Variants in UQCC1 observed in about 807,000 individuals in gnomAD.
The protein encoded by UQCC1 is bFGF-repressed Zic-binding protein.
Under a neutral mutation model 48.0 loss-of-function variants are expected in UQCC1, and 38 were observed. That is an observed-to-expected ratio of 0.79 (90% CI 0.61 to 1.04). UQCC1 has a LOEUF of 1.04. Ranked by LOEUF, UQCC1 falls within the 50% of genes least tolerant of loss-of-function variation. UQCC1 has a pLI of 0.00. For missense variants in UQCC1, 368 were observed against 381.8 expected (o/e 0.96, Z 0.30); for synonymous variants, 111 against 129.2 (o/e 0.86, Z 0.95).
At chr20:35,373,750 T>C (rs1040612129) in intron 5 of UQCC1, among the ~76,000 whole-genome samples, 1 of 149,906 alleles carries the variant, frequency 6.7e-6, no homozygotes, top group African/African-American at 2.5e-5. Context: ...ATGATATGAA[T>C]ACTCTTATGT....
intron 7 of UQCC1, among the ~76,000 whole-genome samples, chr20:35,342,740 A>G (rs1366222660): frequency 2.8e-4 from 42 of 152,244 alleles, no homozygotes; most frequent in Admixed American, 2.7e-3. Flanking sequence ...AGACCAGATG[A>G]GGTGATATAA....
chr20:35,329,968 T>G (rs771615361), intron 7 of UQCC1, among the ~76,000 whole-genome samples: 2 of 152,234 alleles, frequency 1.3e-5, no homozygotes, highest in Non-Finnish European at 2.9e-5. Context: ...GGCATGAATT[T>G]AATCAGGTAA....
At chr20:35,371,820 G>C (rs563905202) in intron 5 of UQCC1, among the ~76,000 whole-genome samples, 2 of 151,688 alleles carry the variant, frequency 1.3e-5, no homozygotes, top group South Asian at 4.2e-4. Context: ...GACCAGCCTG[G>C]GCAACATAGT....
At chr20:35,322,156 G>A (rs1416548467) in intron 7 of UQCC1, among the ~76,000 whole-genome samples, 2 of 152,114 alleles carry the variant, frequency 1.3e-5, no homozygotes, top group Non-Finnish European at 2.9e-5. Context: ...CAAGTCTCAT[G>A]CATACTCATT....
chr20:35,304,426 G>A (rs763597444), intron 9 of UQCC1, among the ~76,000 whole-genome samples: 15 of 152,116 alleles, frequency 9.9e-5, no homozygotes, highest in Non-Finnish European at 1.8e-4. Context: ...GGCTTGCAGC[G>A]CACACAGCCA....
chr20:35,366,435 A>G, intron 6 of UQCC1, 122 bp downstream of exon 6: 1 of 767,674 alleles, frequency 1.3e-6, no homozygotes, highest in Non-Finnish European at 2.1e-6. Flanking sequence ...AATGAAAGGA[A>G]CAGTTTTTAA....
intron 7 of UQCC1, among the ~76,000 whole-genome samples, chr20:35,342,493 C>T (rs2061391743): frequency 6.6e-6 from 1 of 152,252 alleles, no homozygotes; most frequent in Admixed American, 6.5e-5. Flanking sequence ...GCAAAAGAAA[C>T]TTACTTCATT....
At chr20:35,309,054 G>A (rs2060960931) in intron 8 of UQCC1, 2 of 441,220 alleles carry the variant, frequency 4.5e-6, no homozygotes, top group African/African-American at 2.0e-5. Context: ...GAGGCTTAGA[G>A]GCTAGCTAAC....
intron 4 of UQCC1, 67 bp from the exon 5 acceptor site, chr20:35,374,323 G>T: frequency 8.2e-7 from 1 of 1,221,942 alleles, no homozygotes; most frequent in Non-Finnish European, 1.2e-6. Flanking sequence ...CATTAGACAT[G>T]GGTCACAAAA....
intron 1 of UQCC1, among the ~76,000 whole-genome samples, chr20:35,402,471 G>A (rs1463328399): frequency 3.3e-5 from 5 of 151,864 alleles, no homozygotes; most frequent in East Asian, 3.9e-4. Context: ...CCAGCTACTC[G>A]GGAGGCTGAG....
At chr20:35,366,666 T>A (rs924561432) in intron 5 of UQCC1, 52 bp from the exon 6 acceptor site, 2 of 1,482,756 alleles carry the variant, frequency 1.3e-6, no homozygotes, top group African/African-American at 2.8e-5. Flanking sequence ...GGAAGCATAT[T>A]GACCATATAT....
chr20:35,359,172 A>G (rs2061578966), intron 6 of UQCC1, among the ~76,000 whole-genome samples: 1 of 152,192 alleles, frequency 6.6e-6, no homozygotes, highest in Non-Finnish European at 1.5e-5. Flanking sequence ...ACCATTTACT[A>G]TGTTCTGTAA....
chr20:35,336,979 G>C (rs1165445958), intron 7 of UQCC1, among the ~76,000 whole-genome samples: 1 of 152,206 alleles, frequency 6.6e-6, no homozygotes, highest in Non-Finnish European at 1.5e-5. Flanking sequence ...TTAGCGAGGA[G>C]AACAGTAACA....
At chr20:35,403,397 C>A (rs1194362346) in intron 1 of UQCC1, among the ~76,000 whole-genome samples, 1 of 152,116 alleles carries the variant, frequency 6.6e-6, no homozygotes, top group Non-Finnish European at 1.5e-5. Context: ...GCAGATGACA[C>A]TCCAGTAGCA....
chr20:35,334,952 G>A (rs893499623), intron 7 of UQCC1, among the ~76,000 whole-genome samples: 1 of 152,206 alleles, frequency 6.6e-6, no homozygotes, highest in African/African-American at 2.4e-5. Context: ...AGGCTTACCC[G>A]AAGAGTGGCC....
chr20:35,322,662 G>C (rs1289139700), intron 7 of UQCC1, among the ~76,000 whole-genome samples: 2 of 152,080 alleles, frequency 1.3e-5, no homozygotes, highest in East Asian at 3.9e-4. Flanking sequence ...GAACCCGAGA[G>C]GCAGAAGTTG....
In UQCC1 at chr20:35,384,026, G is replaced by C; in HGVS notation, c.225+12C>G. On this transcript the variant is annotated intron_variant, in intron 3 of 9. Coordinates refer to ENST00000374385, the MANE Select transcript of UQCC1 (RefSeq NM_018244.5). ...GCACTCTATAAACACAGAATGCACTGATAATTCTCACCTTACGTGTGGTGT... is the reference window on the plus strand; with the variant it reads ...GCACTCTATAAACACAGAATGCACTCATAATTCTCACCTTACGTGTGGTGT... 1 of 1,607,496 alleles carries C rather than the reference G, an allele frequency of 6.2e-7. No individual in the cohort carries two copies. Among genetic ancestry groups the C allele is most frequent in the Non-Finnish European group, 8.5e-7 (1 of 1,174,596 alleles).
chr20:35,410,216 G>C (rs920277556), intron 1 of UQCC1: 2 of 152,126 alleles, frequency 1.3e-5, no homozygotes, highest in African/African-American at 4.8e-5. Flanking sequence ...AAAGTGCTTA[G>C]CACGTAGTAA....
At chr20:35,404,958 T>A (rs6142376) in intron 1 of UQCC1, among the ~76,000 whole-genome samples, 81,419 of 151,908 alleles carry the variant, frequency 0.54, 23,049 homozygotes, top group East Asian at 0.72. Context: ...CCCAATATAT[T>A]CCTGGGCATC....
Sources: allele counts gnomAD v4.1 joint callset (sites outside exome capture counted in the v4.1 genomes callset), GRCh38; gene constraint gnomAD v4.1.1; transcripts MANE v1.5; gene names NCBI Gene and HGNC (gene_info 2026-07-23, HGNC 2026-07-21).